FBXO30: variants seen among roughly 807,000 people sequenced by gnomAD.
The protein encoded by FBXO30 is F-box protein 30.
A neutral mutation model predicts 58.1 loss-of-function variants in FBXO30; 21 were observed. The ratio of observed to expected loss-of-function variants is 0.36; its 90% CI spans 0.26 to 0.52. The LOEUF is 0.52. Ranked by LOEUF, FBXO30 falls within the 20% of genes least tolerant of loss-of-function variation. The pLI, the probability that FBXO30 is intolerant of heterozygous loss-of-function variation, is 0.93. For synonymous variants in FBXO30, 309 were observed against 312.4 expected (o/e 0.99, Z 0.11); for missense variants, 744 against 897.3 (o/e 0.83, Z 2.18).
At chr6:145,811,107 G>A (rs1371826331) in intron 1 of FBXO30, among the ~76,000 whole-genome samples, 11 of 152,140 alleles carry the variant, frequency 7.2e-5, no homozygotes, top group Admixed American at 7.2e-4. Context: ...CTCCATGAAA[G>A]TCAGAATCAT....
In FBXO30 at chr6:145,800,200, C is replaced by T. The variant is rs1244052709; in HGVS notation, c.2144G>A (p.Arg715Gln). 4.3e-6 allele frequency: 7 copies of T among 1,613,068 alleles called. No homozygotes were observed. The highest frequency in any genetic ancestry group is 1.1e-5 in the South Asian group (1 of 91,050). ...ACATGGCAAAGGGATTGCTTCCTCC[C>T]GTTTCTCGACAACATTGTAACTGCA... ...KKCSYNVVEK[R>Q]EEAIPLPCMC... The change falls in exon 3 of 3, where the codon CGG becomes CAG. Residue 715 changes from arginine (R) to glutamine (Q), a missense_variant. This residue lies in a region of FBXO30 where 334 missense variants were observed against 433.7 expected (regional missense o/e 0.77). Coordinates refer to ENST00000237281, the MANE Select transcript of FBXO30 (RefSeq NM_032145.5).
rs1738006701 is a variant in FBXO30 at position 145,804,715 on chromosome 6, T to C, written c.1691A>G (p.Tyr564Cys). ...TGATGGACAAAATCTACGCTGAGAA[T>C]AGGTACAACCATAGTAAGCTAAAGG... ...RCPLAYYGCT[Y>C]SQRRFCPSIQ... The change falls in exon 2 of 3, where the codon TAT becomes TGT. Residue 564 changes from tyrosine to cysteine, a missense_variant. Physicochemically the swap from Tyr to Cys is radical, Grantham distance 194. Coordinates refer to ENST00000237281, the MANE Select transcript of FBXO30 (RefSeq NM_032145.5). 1 of 1,613,942 alleles carries C rather than the reference T, an allele frequency of 6.2e-7. No homozygotes were observed. The highest frequency in any genetic ancestry group is 8.5e-7 in the Non-Finnish European group (1 of 1,179,894).
At chr6:145,803,873 T>A (rs1301838951) in intron 2 of FBXO30, among the ~76,000 whole-genome samples, 1 of 152,170 alleles carries the variant, frequency 6.6e-6, no homozygotes, top group Admixed American at 6.5e-5. Context: ...ACTCCTCTGG[T>A]CACTTTAATA....
At chr6:145,807,135 A>C (rs548665732) in intron 1 of FBXO30, among the ~76,000 whole-genome samples, 1 of 152,310 alleles carries the variant, frequency 6.6e-6, no homozygotes, top group Admixed American at 6.5e-5. Flanking sequence ...ACTATCATGG[A>C]CCATGCACTG....
Position 145,811,011 on chromosome 6 carries a change from A to G in FBXO30, c.-17+3592T>C, listed in dbSNP as rs114873343. Among the ~76,000 whole-genome samples the G allele has an allele frequency of 2.7e-3, 410 of 152,266 alleles. 5 individuals carry two copies. Among genetic ancestry groups the G allele is most frequent in the African/African-American group, 9.4e-3 (391 of 41,544 alleles). ...CCCATATTGTGTGTACTCATTACAT[A>G]CTGTCTTTTTCCTTGGTAATACTAG... On this transcript the variant is annotated intron_variant, in intron 1 of 2. Coordinates refer to ENST00000237281, the MANE Select transcript of FBXO30 (RefSeq NM_032145.5).
chr6:145,806,531 G>A, intron 1 of FBXO30, 110 bp from the exon 2 acceptor site: 3 of 785,538 alleles, frequency 3.8e-6, no homozygotes, highest in Non-Finnish European at 6.0e-6. Context: ...TTTATTTTAG[G>A]ATGACATATA....
In FBXO30 at chr6:145,801,996, A is replaced by C. The variant is rs564497275; in HGVS notation, c.2035-1687T>G. 3.3e-5 allele frequency among the ~76,000 whole-genome samples: 5 copies of C among 152,200 alleles called. No individual in the cohort carries two copies. The East Asian group carries it at 7.7e-4, about 24-fold the overall frequency. The stretch of plus-strand genomic sequence containing the variant: ...TTTCTTAGTAATGGATCCATCTTTC[A>C]CTCAAGTATGCATCAAATATTTACT... On this transcript the variant is annotated intron_variant, in intron 2 of 2. Coordinates refer to ENST00000237281, the MANE Select transcript of FBXO30 (RefSeq NM_032145.5).
intron 1 of FBXO30, among the ~76,000 whole-genome samples, chr6:145,811,111 G>C (rs1778322048): frequency 6.6e-6 from 1 of 152,072 alleles, no homozygotes; most frequent in South Asian, 2.1e-4. Context: ...ATGAAAGTCA[G>C]AATCATCTCA....
At position 145,796,120 on chromosome 6, in the gene FBXO30, A is replaced by G. The variant is rs999128065; in HGVS notation, c.*3986T>C. Reference sequence around the variant, plus strand: ...CTCTCTCAAATATCCCAGTACACTAATCACTGCCTAAATTTTGAGTACCTA... The same window carrying G: ...CTCTCTCAAATATCCCAGTACACTAGTCACTGCCTAAATTTTGAGTACCTA... On this transcript the variant is annotated 3_prime_UTR_variant, in exon 3 of 3. Transcript: ENST00000237281. 3.3e-5 allele frequency: 5 copies of G among 151,986 alleles called. No individual in the cohort carries two copies. The highest frequency in any genetic ancestry group is 1.2e-4 in the African/African-American group (5 of 41,436). The allele number at this position is 151,986 out of a possible 1,614,324, so 9.4% of individuals were successfully genotyped here.
In FBXO30 at chr6:145,805,573, T is replaced by C. The variant is rs1398643584; in HGVS notation, c.833A>G (p.Tyr278Cys). 6.2e-7 allele frequency: 1 copy of C among 1,613,172 alleles called. No homozygotes were observed. The highest frequency in any genetic ancestry group is 8.5e-7 in the Non-Finnish European group (1 of 1,179,656). The change falls in exon 2 of 3, where the codon TAT becomes TGT. Residue 278 changes from tyrosine to cysteine, a missense_variant. This residue lies in a region of FBXO30 where 275 missense variants were observed against 262.0 expected (regional missense o/e 1.05). Coordinates refer to ENST00000237281, the MANE Select transcript of FBXO30 (RefSeq NM_032145.5). ...GCCATTACAAAGAGCAGAAGTGTCA[T>C]AAGAACTTGTATTCAAGTCACATAA... ...DLLCDLNTSS[Y>C]DTSALCNGFP...
rs117765858 is a variant in FBXO30 at position 145,807,090 on chromosome 6, C to T, written c.-16-669G>A. 5.5e-3 allele frequency among the ~76,000 whole-genome samples: 834 copies of T among 152,282 alleles called. 6 individuals are homozygous for T. The highest frequency in any genetic ancestry group is 0.014 in the Middle Eastern group (4 of 294). Reference sequence around the variant, plus strand: ...TGGGCAAATAACTTACTTTTGAGGGCCACATTCATTCATTAAATGCCTATT... The same window carrying T: ...TGGGCAAATAACTTACTTTTGAGGGTCACATTCATTCATTAAATGCCTATT... On this transcript the variant is annotated intron_variant, in intron 1 of 2. Transcript: ENST00000237281.
intron 1 of FBXO30, among the ~76,000 whole-genome samples, chr6:145,807,673 C>G (rs1419938008): frequency 6.6e-6 from 1 of 152,128 alleles, no homozygotes; most frequent in East Asian, 1.9e-4. Context: ...TCCATCATAA[C>G]CTTTATAAAG....
At chr6:145,802,313 G>A (rs1236743285) in intron 2 of FBXO30, among the ~76,000 whole-genome samples, 1 of 152,128 alleles carries the variant, frequency 6.6e-6, no homozygotes, top group Admixed American at 6.5e-5. Flanking sequence ...GGCTTCCTAA[G>A]TCAATTAGTT....
rs764016635 is a variant in FBXO30, at chr6:145,805,920, G to T, written c.486C>A (p.Val162=). Residue 162 remains valine (V), a synonymous_variant, in exon 2 of 3, where the codon GTC becomes GTA. Transcript: ENST00000237281. Reference sequence around the variant, plus strand: ...AACCATTAGCATGTGGTATTTCTGGGACACTTGATTTAACTGAGATTTGTT... The same window carrying T: ...AACCATTAGCATGTGGTATTTCTGGTACACTTGATTTAACTGAGATTTGTT... ...PREQISVKSS[V]PEIPHANGLV... is the part of the protein sequence containing the mutation. The T allele has an allele frequency of 1.2e-6, 2 of 1,614,006 alleles. No homozygotes were observed. The highest frequency in any genetic ancestry group is 3.3e-5 in the Admixed American group (2 of 59,968).
At chr6:145,809,316 A>G (rs1778270791) in intron 1 of FBXO30, among the ~76,000 whole-genome samples, 1 of 152,194 alleles carries the variant, frequency 6.6e-6, no homozygotes, top group Admixed American at 6.5e-5. Context: ...TTTTGCAGGA[A>G]CTAGACTGAG....
intron 1 of FBXO30, among the ~76,000 whole-genome samples, chr6:145,812,203 T>C (rs1778353351): frequency 6.6e-6 from 1 of 152,208 alleles, no homozygotes; most frequent in Non-Finnish European, 1.5e-5. Context: ...TTTCATGTTT[T>C]ATTGTTCCAG....
At chr6:145,812,368 A>C (rs1778357157) in intron 1 of FBXO30, among the ~76,000 whole-genome samples, 1 of 152,164 alleles carries the variant, frequency 6.6e-6, no homozygotes, top group Non-Finnish European at 1.5e-5. Flanking sequence ...AGTATTAATA[A>C]ATATTTAATA....
chr6:145,814,139 G>A (rs1479397383), intron 1 of FBXO30, among the ~76,000 whole-genome samples: 1 of 152,138 alleles, frequency 6.6e-6, no homozygotes, highest in Non-Finnish European at 1.5e-5. Flanking sequence ...CTCATCCCGT[G>A]CAGACAGTGG....
chr6:145,812,360 T>C (rs1039501478), intron 1 of FBXO30, among the ~76,000 whole-genome samples: 3 of 152,140 alleles, frequency 2.0e-5, no homozygotes, highest in African/African-American at 7.2e-5. Context: ...ATTGAAATAG[T>C]ATTAATAAAT....
Sources: gnomAD v4.1 joint callset for allele counts (sites outside exome capture counted in the v4.1 genomes callset) on GRCh38, gnomAD v4.1.1 for gene constraint, gnomAD v4.1.1 regional missense constraint, MANE v1.5 for transcripts, NCBI Gene and HGNC (gene_info 2026-07-23, HGNC 2026-07-21) for gene names.